Variants in ROBO2 observed in about 807,000 individuals in gnomAD.
ROBO2 encodes the protein roundabout guidance receptor 2, also known as roundabout homolog 2.
A neutral mutation model predicts 160.8 loss-of-function variants in ROBO2; 53 were observed. The observed-to-expected ratio is 0.33, with a 90% CI of 0.26 to 0.41. The LOEUF (loss-of-function observed/expected upper bound fraction) is 0.41, where lower values mean the gene tolerates loss of function less well. Ranked by LOEUF, ROBO2 falls within the 10% of genes least tolerant of loss-of-function variation. ROBO2 has a pLI of 1.00. For missense variants in ROBO2, 1,577 were observed against 1,722.4 expected, an observed-to-expected ratio of 0.92 and a Z score of 1.49; for synonymous variants, 664 against 611.7, an observed-to-expected ratio of 1.09 and a Z score of -1.26.
At chr3:77,233,211 A>G (rs1012471054) in intron 2 of ROBO2, among the ~76,000 whole-genome samples, 4 of 152,192 alleles carry the variant, frequency 2.6e-5, no homozygotes, top group African/African-American at 9.6e-5. Context: ...GAAAATTCAA[A>G]GTGAATAATA....
At position 77,142,360 on chromosome 3, in the gene ROBO2, C is replaced by T. The variant is rs770060247; in HGVS notation, c.388+44020C>T. Among the ~76,000 whole-genome samples, 9 of 152,200 alleles carry T rather than the reference C, an allele frequency of 5.9e-5. No individual in the cohort carries two copies. The East Asian group carries it at 7.7e-4, about 13-fold the overall frequency. On this transcript the variant is annotated intron_variant, in intron 2 of 25. Coordinates refer to ENST00000461745, the Ensembl canonical transcript of ROBO2. ...CTTGTATAGATAATTATGTTTATTA[C>T]GTATTTAAAGGATAAGAACACGTAC...
chr3:77,317,523 A>G (rs2064130243), intron 2 of ROBO2: 3 of 1,405,102 alleles, frequency 2.1e-6, no homozygotes, highest in Non-Finnish European at 3.0e-6. Context: ...TTTCAAATCA[A>G]GCTTTATTAA....
At chr3:76,781,323 T>A (rs1280180467) in intron 2 of ROBO2, among the ~76,000 whole-genome samples, 1 of 150,586 alleles carries the variant, frequency 6.6e-6, no homozygotes, top group Non-Finnish European at 1.5e-5. Context: ...GTCTTTAGGG[T>A]TTTCTATATA....
chr3:76,342,918 C>G (rs2074315688), intron 2 of ROBO2, among the ~76,000 whole-genome samples: 1 of 152,052 alleles, frequency 6.6e-6, no homozygotes. Flanking sequence ...TATGTAACTA[C>G]AGAATGATGC....
chr3:77,410,614 CCTT>C (rs796803077), intron 2 of ROBO2, among the ~76,000 whole-genome samples: 4 of 61,134 alleles, frequency 6.5e-5, no homozygotes, highest in Admixed American at 4.5e-4. Context: ...TCCTCTTCCT[CCTT>C]CTTCTCCTCC....
intron 2 of ROBO2, among the ~76,000 whole-genome samples, chr3:77,321,868 GT>G (rs1385673363): frequency 6.6e-6 from 1 of 152,120 alleles, no homozygotes; most frequent in Non-Finnish European, 1.5e-5. Flanking sequence ...GTGGCCCTTT[GT>G]TTGAGACGGA....
At chr3:76,449,333 C>A (rs2077357281) in intron 2 of ROBO2, among the ~76,000 whole-genome samples, 1 of 151,974 alleles carries the variant, frequency 6.6e-6, no homozygotes, top group African/African-American at 2.4e-5. Context: ...GGAGACTAGA[C>A]CATTTTACAT....
chr3:76,677,868 C>T (rs2092450167), intron 2 of ROBO2, among the ~76,000 whole-genome samples: 1 of 148,950 alleles, frequency 6.7e-6, no homozygotes, highest in South Asian at 2.1e-4. Flanking sequence ...AGGGTTATGT[C>T]TCTGCTGACT....
chr3:76,872,591 T>C (rs1559632236), intron 2 of ROBO2, among the ~76,000 whole-genome samples: 3 of 152,040 alleles, frequency 2.0e-5, no homozygotes, highest in South Asian at 4.1e-4. Context: ...ACTTATTTGT[T>C]AGGCTATGAA....
intron 2 of ROBO2, among the ~76,000 whole-genome samples, chr3:76,717,592 G>A (rs1052455959): frequency 6.6e-6 from 1 of 152,058 alleles, no homozygotes; most frequent in Non-Finnish European, 1.5e-5. Flanking sequence ...CGGAATATCA[G>A]CTGAGTTTGG....
chr3:77,447,896 C>T (rs1421043903), intron 2 of ROBO2, among the ~76,000 whole-genome samples: 1 of 152,064 alleles, frequency 6.6e-6, no homozygotes, highest in African/African-American at 2.4e-5. Flanking sequence ...TTGAGCTACT[C>T]AAGGTCATAT....
At chr3:77,167,738 A>G (rs959024869) in intron 2 of ROBO2, among the ~76,000 whole-genome samples, 1 of 152,210 alleles carries the variant, frequency 6.6e-6, no homozygotes, top group African/African-American at 2.4e-5. Flanking sequence ...AGGTTAATAC[A>G]TATTTTTTTA....
intron 2 of ROBO2, among the ~76,000 whole-genome samples, chr3:75,957,253 AC>A (rs1334263462): frequency 8.3e-5 from 5 of 60,126 alleles, no homozygotes; most frequent in Non-Finnish European, 4.5e-5. Flanking sequence ...CACAAAACAC[AC>A]ACACACACAC....
chr3:77,462,681 G>A (rs1047492012), intron 2 of ROBO2, among the ~76,000 whole-genome samples: 1 of 152,136 alleles, frequency 6.6e-6, no homozygotes, highest in Admixed American at 6.5e-5. Flanking sequence ...GTATTAATAA[G>A]TAGTTAATAC....
intron 2 of ROBO2, among the ~76,000 whole-genome samples, chr3:77,145,167 T>G (rs2077024160): frequency 6.6e-6 from 1 of 152,168 alleles, no homozygotes; most frequent in Non-Finnish European, 1.5e-5. Context: ...ATAGTTTAGC[T>G]GGGTGTGCAT....
intron 2 of ROBO2, among the ~76,000 whole-genome samples, chr3:76,077,315 C>A (rs1371607747): frequency 6.6e-6 from 1 of 152,146 alleles, no homozygotes; most frequent in Non-Finnish European, 1.5e-5. Context: ...GTAATCTCAG[C>A]ACTTTTAGAG....
chr3:76,965,750 A>C (rs2059245724), intron 2 of ROBO2, among the ~76,000 whole-genome samples: 1 of 146,242 alleles, frequency 6.8e-6, no homozygotes, highest in African/African-American at 2.5e-5. Context: ...TACTATTCAA[A>C]AGGTAGTTGC....
chr3:77,415,720 G>A (rs1462550166), intron 2 of ROBO2, among the ~76,000 whole-genome samples: 1 of 152,128 alleles, frequency 6.6e-6, no homozygotes, highest in African/African-American at 2.4e-5. Context: ...ATCTAGATAA[G>A]GGGAACCCAG....
At chr3:76,750,675 T>A (rs1398367473) in intron 2 of ROBO2, among the ~76,000 whole-genome samples, 1 of 152,086 alleles carries the variant, frequency 6.6e-6, no homozygotes, top group African/African-American at 2.4e-5. Flanking sequence ...AGCCAAATCA[T>A]GAGTGAACTC....
Sources: gnomAD v4.1 joint callset for allele counts (sites outside exome capture counted in the v4.1 genomes callset) on GRCh38, gnomAD v4.1.1 for gene constraint, MANE v1.5 for transcripts, NCBI Gene and HGNC (gene_info 2026-07-23, HGNC 2026-07-21) for gene names.